The following PIEZO1 variants were observed in gnomAD, a reference collection of about 807,000 sequenced individuals.
PIEZO1 encodes piezo type mechanosensitive ion channel component 1 (Er blood group).
PIEZO1 carries 296 observed loss-of-function variants against 297.2 expected under a neutral mutation model. The ratio of observed to expected loss-of-function variants is 1.00; its 90% CI spans 0.91 to 1.10. The LOEUF is 1.10. PIEZO1 is among the 50% of genes least tolerant of loss of function. PIEZO1 has a pLI of 0.00. For synonymous variants in PIEZO1, 2,427 were observed against 1,507.5 expected (o/e 1.61, Z -14.13); for missense variants, 5,018 against 3,455.5 (o/e 1.45, Z -11.34).
intron 1 of PIEZO1, among the ~76,000 whole-genome samples, chr16:88,767,008 C>T: frequency 6.6e-6 from 1 of 152,258 alleles, no homozygotes; most frequent in Non-Finnish European, 1.5e-5. Context: ...AAGGTCCTCA[C>T]AGTCAGCCTG....
intron 22 of PIEZO1, chr16:88,731,054 GAGCAGACCTGC>G (rs1450517887): frequency 6.5e-6 from 1 of 154,888 alleles, no homozygotes; most frequent in Non-Finnish European, 1.4e-5. Flanking sequence ...TGTGTGCCTT[GAGCAGACCTGC>G]AGCACCAGGA....
At chr16:88,741,431 G>GT in intron 5 of PIEZO1, 47 bp downstream of exon 5, 1 of 1,471,728 alleles carries the variant, frequency 6.8e-7, no homozygotes, top group South Asian at 1.2e-5. Context: ...TGAGACCACA[G>GT]CTCTCGAATG....
chr16:88,738,754 A>G lies in PIEZO1; in HGVS notation c.466-18T>C, dbSNP rs968625667. The G allele has an allele frequency of 5.9e-6, 9 of 1,523,002 alleles. No individual in the cohort carries two copies. Among genetic ancestry groups the G allele is most frequent in the Non-Finnish European group, 7.0e-6 (8 of 1,137,012 alleles). 94.3% of individuals were successfully genotyped at this position (1,523,002 alleles called of 1,614,324 possible). A position where few individuals can be genotyped will look rare whatever the true frequency, so the allele number is the denominator to read the frequency against. ...TCATCATCCTGCCAAGGTCACGGAC[A>G]GGGGCAAGGTCAGGTGTATCGCACT... On this transcript the variant is annotated intron_variant, in intron 5 of 50. Transcript: ENST00000301015.
chr16:88,727,485 G>T, intron 23 of PIEZO1, 72 bp downstream of exon 23: 1 of 680,244 alleles, frequency 1.5e-6, no homozygotes, highest in Non-Finnish European at 2.5e-6. Context: ...GTGCACACTT[G>T]TGAGCAGATT....
rs572704059 is a variant in PIEZO1 at position 88,765,638 on chromosome 16, G to C, written c.65-16159C>G. Reference sequence around the variant, plus strand: ...GCAGCGCCTGGAGCCTGGCTCCCTGGTCTCTAGAGAGCCCAAGTCGTTATC... The same window carrying C: ...GCAGCGCCTGGAGCCTGGCTCCCTGCTCTCTAGAGAGCCCAAGTCGTTATC... On this transcript the variant is annotated intron_variant, in intron 1 of 50. Transcript: ENST00000301015. Among the ~76,000 whole-genome samples, 7 of 151,846 alleles carry C rather than the reference G, an allele frequency of 4.6e-5. No individual in the cohort carries two copies. In the South Asian group the frequency reaches 1.5e-3, roughly 32 times the overall value.
chr16:88,733,964 GTCCTCCTCCTCC>G lies in PIEZO1; in HGVS notation c.2259_2270del (p.Glu753_Glu756del), dbSNP rs59446030. The G allele has an allele frequency of 1.8e-5, 28 of 1,523,284 alleles. No homozygotes were observed. The highest frequency in any genetic ancestry group is 5.5e-5 in the African/African-American group (4 of 72,262). 94.4% of individuals were successfully genotyped at this position (1,523,284 alleles called of 1,614,324 possible). A position where few individuals can be genotyped will look rare whatever the true frequency, so the allele number is the denominator to read the frequency against. On this transcript the variant is annotated inframe_deletion, in exon 17 of 51. Transcript: ENST00000301015. The stretch of plus-strand genomic sequence containing the variant: ...CCACGCCCAGCCCCTCGTCCCTGGA[GTCCTCCTCCTCC>G]TCCTCCTCCTCCTGCTGCTGCTGCT...
At chr16:88,767,386 G>C (rs994510094) in intron 1 of PIEZO1, among the ~76,000 whole-genome samples, 32 of 152,208 alleles carry the variant, frequency 2.1e-4, no homozygotes, top group African/African-American at 6.7e-4. Flanking sequence ...CCACAGCCCA[G>C]AGCCCCCCAG....
chr16:88,732,317 G>A lies in PIEZO1; in HGVS notation c.2991+18C>T. On this transcript the variant is annotated intron_variant, in intron 21 of 50. Coordinates refer to ENST00000301015, the MANE Select transcript of PIEZO1 (RefSeq NM_001142864.4). Reference sequence around the variant, plus strand: ...AGGCCAAGCCCTGCCCCAGGGGGAGGCAATGTCCTTGCCTCACCTCCAGCC... The same window carrying A: ...AGGCCAAGCCCTGCCCCAGGGGGAGACAATGTCCTTGCCTCACCTCCAGCC... The A allele has an allele frequency of 6.5e-7, 1 of 1,542,778 alleles. No homozygotes were observed. The highest frequency in any genetic ancestry group is 8.8e-7 in the Non-Finnish European group (1 of 1,140,662).
chr16:88,717,659 A>G (rs1403725016), intron 44 of PIEZO1: 1 of 446,920 alleles, frequency 2.2e-6, no homozygotes, highest in Non-Finnish European at 4.5e-6. Context: ...TATTACCAAA[A>G]TAAATACTTT....
In PIEZO1 at chr16:88,732,654, T is replaced by G; in HGVS notation, c.2743A>C (p.Asn915His). Residue 915 changes from asparagine to histidine, a missense_variant, in exon 20 of 51, where the codon AAC becomes CAC. By Grantham distance (68) the Asn-to-His change is moderately conservative. Coordinates refer to ENST00000301015, the MANE Select transcript of PIEZO1 (RefSeq NM_001142864.4). ...LLYRGPVDPA[N>H]WFGVRKGFPN... ...AACCCTTTCCGCACCCCAAACCAGT[T>G]GGCAGGGTCCACGGGCCCCCGGTAC... The G allele has an allele frequency of 6.5e-7, 1 of 1,549,732 alleles. No individual in the cohort carries two copies. The highest frequency in any genetic ancestry group is 8.7e-7 in the Non-Finnish European group (1 of 1,146,562).
Position 88,752,716 on chromosome 16 carries a change from G to A in PIEZO1, c.65-3237C>T, listed in dbSNP as rs116659669. Among the ~76,000 whole-genome samples the A allele has an allele frequency of 1.4e-3, 212 of 152,214 alleles. 1 individual carries two copies. Among genetic ancestry groups the A allele is most frequent in the African/African-American group, 4.9e-3 (203 of 41,516 alleles). ...CCTTGAGGGGCAGAGTGGACTCAAA[G>A]GCAGAGGACGATGGGGGCATGGGAG... On this transcript the variant is annotated intron_variant, in intron 1 of 50. Transcript: ENST00000301015.
chr16:88,726,519 C>G, intron 26 of PIEZO1, 28 bp downstream of exon 26: 1 of 1,546,532 alleles, frequency 6.5e-7, no homozygotes, highest in Non-Finnish European at 8.7e-7. Flanking sequence ...TCCCCACGCC[C>G]TCCCCCGCCA....
At chr16:88,723,560 G>A (rs1005284953) in intron 31 of PIEZO1, among the ~76,000 whole-genome samples, 2 of 152,242 alleles carry the variant, frequency 1.3e-5, no homozygotes, top group Non-Finnish European at 2.9e-5. Flanking sequence ...GGGGCCCAAA[G>A]ATGGACCCAG....
At chr16:88,741,278 C>T in intron 5 of PIEZO1, 200 bp downstream of exon 5, 1 of 534,510 alleles carries the variant, frequency 1.9e-6, no homozygotes, top group Non-Finnish European at 3.3e-6. Context: ...GAGGCAGAGC[C>T]CGAGTAGAAA....
In PIEZO1 at chr16:88,719,557, G is replaced by A. The variant is rs774392449; in HGVS notation, c.6471+17C>T. 44 of 1,548,824 alleles carry A rather than the reference G, an allele frequency of 2.8e-5. No individual in the cohort carries two copies. The highest frequency in any genetic ancestry group is 2.7e-5 in the African/African-American group (2 of 73,024). ...ATCCCTGGCCCTTGTCCCGGCCCCC[G>A]CCCTGGGCCCAGGCACCTTCTCTGT... On this transcript the variant is annotated intron_variant, in intron 44 of 50. Transcript: ENST00000301015.
intron 16 of PIEZO1, 90 bp downstream of exon 16, chr16:88,734,266 A>T: frequency 7.8e-7 from 1 of 1,276,394 alleles, no homozygotes; most frequent in Middle Eastern, 2.7e-4. Flanking sequence ...AAGGTGGAAG[A>T]TGTGGCTCCT....
Position 88,716,180 on chromosome 16 carries a change from C to T in PIEZO1, c.7129+18G>A. 1 of 1,512,016 alleles carries T rather than the reference C, an allele frequency of 6.6e-7. No homozygotes were observed. Among genetic ancestry groups the T allele is most frequent in the Non-Finnish European group, 8.9e-7 (1 of 1,124,508 alleles). 93.7% of individuals were successfully genotyped at this position (1,512,016 alleles called of 1,614,324 possible). A position where few individuals can be genotyped will look rare whatever the true frequency, so the allele number is the denominator to read the frequency against. On this transcript the variant is annotated intron_variant, in intron 49 of 50. Transcript: ENST00000301015. Reference sequence around the variant, plus strand: ...TCACCCCTCTCTAGCCTCCCCCAACCCCCACGCCCATACTCACTGGGCTGC... The same window carrying T: ...TCACCCCTCTCTAGCCTCCCCCAACTCCCACGCCCATACTCACTGGGCTGC...
In PIEZO1 at chr16:88,723,136, T is replaced by C. The variant is rs1332016876; in HGVS notation, c.4454A>G (p.Gln1485Arg). The C allele has an allele frequency of 3.9e-6, 6 of 1,549,114 alleles. No individual in the cohort carries two copies. Among genetic ancestry groups the C allele is most frequent in the Non-Finnish European group, 5.2e-6 (6 of 1,146,794 alleles). The change falls in exon 33 of 51, where the codon CAG (glutamine) becomes CGG (arginine). Residue 1485 changes from glutamine to arginine, a missense_variant. Physicochemically the swap from Gln to Arg is conservative, Grantham distance 43. Transcript: ENST00000301015. Reference protein sequence around the residue: ...GQLPTGGGPSQEVEPAEGPEE... With the variant: ...GQLPTGGGPSREVEPAEGPEE... The stretch of plus-strand genomic sequence containing the variant: ...GGGGCCCTCTGCTGGCTCCACCTCC[T>C]GGCTGGGACCACCTCCTGGGCACAG...
intron 44 of PIEZO1, chr16:88,718,037 C>G (rs977352601): frequency 3.3e-6 from 1 of 302,104 alleles, no homozygotes; most frequent in Non-Finnish European, 6.4e-6. Flanking sequence ...GAGTGAAGGT[C>G]ATGCCACTGC....
Sources: allele counts gnomAD v4.1 joint callset (sites outside exome capture counted in the v4.1 genomes callset), GRCh38; gene constraint gnomAD v4.1.1; transcripts MANE v1.5; gene names NCBI Gene and HGNC (gene_info 2026-07-23, HGNC 2026-07-21).